The following COLEC11 variants were observed in gnomAD, a reference collection of about 807,000 sequenced individuals.
The protein encoded by COLEC11 is collectin-11.
A neutral mutation model predicts 27.3 loss-of-function variants in COLEC11; 20 were observed. The ratio of observed to expected loss-of-function variants is 0.73; its 90% CI spans 0.51 to 1.06. The LOEUF (loss-of-function observed/expected upper bound fraction) is 1.06. COLEC11 is among the 50% of genes least tolerant of loss of function. COLEC11 has a pLI of 0.00. For synonymous variants in COLEC11, 163 were observed against 154.7 expected (o/e 1.05, Z -0.40); for missense variants, 310 against 383.0 (o/e 0.81, Z 1.59).
chr2:3,604,690 T>C lies in COLEC11; in HGVS notation c.130+220T>C, dbSNP rs113996313. 4.6e-3 allele frequency among the ~76,000 whole-genome samples: 703 copies of C among 152,346 alleles called. 2 individuals carry two copies. Among genetic ancestry groups the C allele is most frequent in the African/African-American group, 8.4e-3 (348 of 41,578 alleles). On this transcript the variant is annotated intron_variant, in intron 2 of 6. Coordinates refer to ENST00000349077, the MANE Select transcript of COLEC11 (RefSeq NM_024027.5). ...CCTAATTCTGAAGATGGCAATTTATTTGCAACTCAGCCCTCTCCGGGGGGA... is the reference window on the plus strand; with the variant it reads ...CCTAATTCTGAAGATGGCAATTTATCTGCAACTCAGCCCTCTCCGGGGGGA...
chr2:3,610,627 C>T (rs994120704), intron 2 of COLEC11, among the ~76,000 whole-genome samples: 1 of 152,176 alleles, frequency 6.6e-6, no homozygotes, highest in South Asian at 2.1e-4. Flanking sequence ...GCCTCGGGCT[C>T]GTGGCTCGCT....
chr2:3,627,615 A>G (rs1664656655), intron 3 of COLEC11, among the ~76,000 whole-genome samples: 1 of 147,500 alleles, frequency 6.8e-6, no homozygotes, highest in African/African-American at 2.5e-5. Context: ...CTGGGCATGA[A>G]GATGGGACAC....
At position 3,628,279 on chromosome 2, in the gene COLEC11, T is replaced by C. The variant is rs1459083899; in HGVS notation, c.203-9254T>C. On this transcript the variant is annotated intron_variant, in intron 3 of 6. Transcript: ENST00000349077. Reference sequence around the variant, plus strand: ...GCTGCCCCGCAGGGTTCTAGAGAGCTGGTCTGTGGGACGAGGCTTCCGGCC... The same window carrying C: ...GCTGCCCCGCAGGGTTCTAGAGAGCCGGTCTGTGGGACGAGGCTTCCGGCC... Among the ~76,000 whole-genome samples, 6 of 152,264 alleles carry C rather than the reference T, an allele frequency of 3.9e-5. No individual in the cohort carries two copies. In the East Asian group the frequency reaches 1.2e-3, roughly 29 times the overall value.
chr2:3,604,800 C>T (rs1662511907), intron 2 of COLEC11, among the ~76,000 whole-genome samples: 1 of 152,076 alleles, frequency 6.6e-6, no homozygotes, highest in Non-Finnish European at 1.5e-5. Flanking sequence ...CTCATGTGGA[C>T]CATTTTACAG....
intron 2 of COLEC11, chr2:3,605,980 A>C: frequency 7.4e-7 from 1 of 1,354,978 alleles, no homozygotes; most frequent in South Asian, 1.4e-5. Context: ...TAATTGTGAT[A>C]AATGTACCTG....
In COLEC11 at chr2:3,637,616, G is replaced by A. The variant is rs765006850; in HGVS notation, c.274+12G>A. The A allele has an allele frequency of 1.2e-6, 2 of 1,610,124 alleles. No individual in the cohort carries two copies. Among genetic ancestry groups the A allele is most frequent in the Non-Finnish European group, 8.5e-7 (1 of 1,176,342 alleles). Reference sequence around the variant, plus strand: ...CATTGGCTCTAAAGGTATTTGCAATGCGATTCTTGCCTCATTTCCCCCCTG... The same window carrying A: ...CATTGGCTCTAAAGGTATTTGCAATACGATTCTTGCCTCATTTCCCCCCTG... On this transcript the variant is annotated intron_variant, in intron 4 of 6. Coordinates refer to ENST00000349077, the MANE Select transcript of COLEC11 (RefSeq NM_024027.5).
intron 2 of COLEC11, among the ~76,000 whole-genome samples, chr2:3,604,848 G>T (rs537209174): frequency 6.6e-6 from 1 of 151,872 alleles, no homozygotes; most frequent in Non-Finnish European, 1.5e-5. Context: ...TTTGCAACTT[G>T]TGTTAAGTTC....
intron 2 of COLEC11, among the ~76,000 whole-genome samples, chr2:3,607,710 A>G (rs1044372304): frequency 2.0e-5 from 3 of 152,164 alleles, no homozygotes; most frequent in Non-Finnish European, 4.4e-5. Flanking sequence ...TGGCTTCCCA[A>G]AGTGCTGGGA....
In COLEC11 at chr2:3,595,155, T is replaced by C. The variant is rs962933480; in HGVS notation, c.-40T>C. On this transcript the variant is annotated 5_prime_UTR_variant, in exon 1 of 7. Coordinates refer to ENST00000349077, the MANE Select transcript of COLEC11 (RefSeq NM_024027.5). ...CGACGGGCAGGACGCCCCGTTCGCC[T>C]AGCGCGTGCTCAGGTAGGAGACTCT... 2.8e-4 allele frequency: 96 copies of C among 348,610 alleles called. No homozygotes were observed. The highest frequency in any genetic ancestry group is 1.9e-3 in the African/African-American group (89 of 46,280). The allele number at this position is 348,610 out of a possible 1,614,324, so 21.6% of individuals were successfully genotyped here.
At chr2:3,640,387 T>G in intron 5 of COLEC11, 56 bp downstream of exon 5, 1 of 934,986 alleles carries the variant, frequency 1.1e-6, no homozygotes, top group Non-Finnish European at 1.7e-6. Flanking sequence ...ATTGCACTTT[T>G]GAAAACAATG....
intron 1 of COLEC11, among the ~76,000 whole-genome samples, chr2:3,596,010 G>A (rs1050693964): frequency 6.6e-5 from 10 of 152,266 alleles, no homozygotes; most frequent in East Asian, 5.8e-4. Context: ...AGAGCACACC[G>A]GTAATGTGCT....
At chr2:3,619,442 C>A (rs1443117913) in intron 3 of COLEC11, among the ~76,000 whole-genome samples, 2 of 152,136 alleles carry the variant, frequency 1.3e-5, no homozygotes, top group African/African-American at 4.8e-5. Flanking sequence ...GAGGTGCATT[C>A]TTTGTATATG....
At chr2:3,599,971 C>T (rs1173641299) in intron 1 of COLEC11, among the ~76,000 whole-genome samples, 1 of 152,188 alleles carries the variant, frequency 6.6e-6, no homozygotes, top group African/African-American at 2.4e-5. Context: ...CACGGTGGCT[C>T]AAGCCTGTAA....
At chr2:3,597,973 T>C (rs987268151) in intron 1 of COLEC11, among the ~76,000 whole-genome samples, 2 of 152,188 alleles carry the variant, frequency 1.3e-5, no homozygotes, top group African/African-American at 2.4e-5. Context: ...CTCACTCTTA[T>C]CACTCAGGCT....
intron 3 of COLEC11, among the ~76,000 whole-genome samples, chr2:3,618,966 T>A (rs139025999): frequency 6.6e-6 from 1 of 152,236 alleles, no homozygotes; most frequent in Non-Finnish European, 1.5e-5. Flanking sequence ...TTCAGGTGGC[T>A]CATTGTTAGT....
chr2:3,599,601 G>A (rs1306314520), intron 1 of COLEC11, among the ~76,000 whole-genome samples: 1 of 152,258 alleles, frequency 6.6e-6, no homozygotes, highest in Non-Finnish European at 1.5e-5. Flanking sequence ...ATTAAGAGAA[G>A]GGGAGGGGCT....
intron 4 of COLEC11, among the ~76,000 whole-genome samples, chr2:3,638,497 T>C (rs1234964526): frequency 2.0e-5 from 3 of 152,212 alleles, no homozygotes; most frequent in Admixed American, 6.5e-5. Context: ...CAGGTTCTTC[T>C]ACCTCATTCA....
At chr2:3,628,924 G>A (rs528114591) in intron 3 of COLEC11, among the ~76,000 whole-genome samples, 15 of 152,186 alleles carry the variant, frequency 9.9e-5, no homozygotes, top group Non-Finnish European at 1.8e-4. Flanking sequence ...CCAGTGTGCC[G>A]GGTGCCACAG....
At chr2:3,643,610 C>T (rs183290703) in intron 6 of COLEC11, 71 bp downstream of exon 6, 1 of 1,596,784 alleles carries the variant, frequency 6.3e-7, no homozygotes, top group Admixed American at 1.7e-5. Flanking sequence ...CCGGCAAGGG[C>T]TCTGCCGTGC....
Sources: allele counts gnomAD v4.1 joint callset (sites outside exome capture counted in the v4.1 genomes callset), GRCh38; gene constraint gnomAD v4.1.1; transcripts MANE v1.5; gene names NCBI Gene and HGNC (gene_info 2026-07-23, HGNC 2026-07-21).